LRPPRC: variants seen among roughly 807,000 people sequenced by gnomAD.
The protein encoded by LRPPRC is leucine-rich PPR motif-containing protein, mitochondrial.
LRPPRC carries 120 observed loss-of-function variants against 180.3 expected under a neutral mutation model. The ratio of observed to expected loss-of-function variants is 0.67; its 90% confidence interval spans 0.57 to 0.77. LRPPRC has a LOEUF of 0.77. Ranked by LOEUF, LRPPRC falls within the 30% of genes least tolerant of loss-of-function variation. LRPPRC has a pLI of 0.00. For missense variants in LRPPRC, 2,012 were observed against 1,657.2 expected (o/e 1.21, Z -3.72); for synonymous variants, 723 against 600.0 (o/e 1.21, Z -3.00).
At chr2:43,925,555 G>A (rs1050270560) in intron 26 of LRPPRC, among the ~76,000 whole-genome samples, 3 of 152,068 alleles carry the variant, frequency 2.0e-5, no homozygotes, top group Admixed American at 2.0e-4. Flanking sequence ...ACAGGTACCT[G>A]CACCAGAGGA....
chr2:43,912,033 A>G (rs1484455015), intron 30 of LRPPRC, among the ~76,000 whole-genome samples: 1 of 152,186 alleles, frequency 6.6e-6, no homozygotes, highest in African/African-American at 2.4e-5. Context: ...AAGGTCACAG[A>G]ACTTTTAAGT....
chr2:43,899,570 T>C lies in LRPPRC; in HGVS notation c.3605A>G (p.Asn1202Ser), dbSNP rs551840833. 6.8e-6 allele frequency: 11 copies of C among 1,609,246 alleles called. No homozygotes were observed. The East Asian group carries it at 8.9e-5, about 13-fold the overall frequency. ...NIDAAIENIENMLTSENKVIE... is the reference protein window; with the variant it reads ...NIDAAIENIESMLTSENKVIE... ...GACTTTATTCTCTGAAGTAAGCATA[T>C]TTTCAATGTTTTCTATTGCGGCATC... is the stretch of plus-strand genomic sequence containing the variant. The change falls in exon 33 of 38, where the codon AAT becomes AGT. Residue 1202 changes from asparagine (N) to serine (S), a missense_variant. By Grantham distance (46) the Asn-to-Ser change is conservative (BLOSUM62 1). Transcript: ENST00000260665.
chr2:43,951,447 C>T (rs1367206178), intron 14 of LRPPRC, among the ~76,000 whole-genome samples: 2 of 152,210 alleles, frequency 1.3e-5, no homozygotes, highest in Admixed American at 1.3e-4. Flanking sequence ...AGTGGTAAAA[C>T]TTGCCATGGT....
chr2:43,946,029 G>C, intron 21 of LRPPRC, 84 bp downstream of exon 21: 1 of 1,351,778 alleles, frequency 7.4e-7, no homozygotes, highest in South Asian at 1.2e-5. Flanking sequence ...TTATATAAGA[G>C]AGTAATATTC....
At chr2:43,908,630 TC>T (rs1671144482) in intron 30 of LRPPRC, among the ~76,000 whole-genome samples, 1 of 107,406 alleles carries the variant, frequency 9.3e-6, no homozygotes, top group Admixed American at 1.0e-4. Context: ...CAAGCCGTTC[TC>T]CTGCCTTGGC....
chr2:43,940,232 T>C (rs557376882), intron 23 of LRPPRC, among the ~76,000 whole-genome samples: 2 of 152,272 alleles, frequency 1.3e-5, no homozygotes, highest in East Asian at 3.9e-4. Flanking sequence ...CTCCTTAATT[T>C]CCTTTCAGCA....
chr2:43,967,046 C>A (rs536951767), intron 11 of LRPPRC, among the ~76,000 whole-genome samples: 1 of 151,982 alleles, frequency 6.6e-6, no homozygotes, highest in East Asian at 2.0e-4. Context: ...GCCTCCATAA[C>A]TAGCTGAGGT....
intron 23 of LRPPRC, among the ~76,000 whole-genome samples, chr2:43,939,731 C>A (rs923189008): frequency 1.3e-5 from 2 of 152,128 alleles, no homozygotes; most frequent in Non-Finnish European, 2.9e-5. Flanking sequence ...TAATCCTCCC[C>A]AAAAAATTAA....
In LRPPRC at chr2:43,912,533, T is replaced by C. The variant is rs755280196; in HGVS notation, c.3174A>G (p.Ala1058=). 26 of 1,609,326 alleles carry C rather than the reference T, an allele frequency of 1.6e-5. No individual in the cohort carries two copies. Among genetic ancestry groups the C allele is most frequent in the Non-Finnish European group, 2.1e-5 (25 of 1,176,002 alleles). The change falls in exon 30 of 38, where the codon GCA becomes GCG. Residue 1058 remains alanine (A), a synonymous_variant. Coordinates refer to ENST00000260665, the MANE Select transcript of LRPPRC (RefSeq NM_133259.4). Reference sequence around the variant, plus strand: ...CATTAAACACAATGTTTTGCTCTTTTGCATTCAGGAAAATATCATATGCCC... The same window carrying C: ...CATTAAACACAATGTTTTGCTCTTTCGCATTCAGGAAAATATCATATGCCC... ...KKGAYDIFLN[A]KEQNIVFNAE...
At chr2:43,904,583 C>T (rs2104998832) in intron 31 of LRPPRC, 1 of 152,068 alleles carries the variant, frequency 6.6e-6, no homozygotes, top group Middle Eastern at 3.4e-3. Context: ...ATCCCAGCTA[C>T]TCAGGAGGCT....
intron 27 of LRPPRC, among the ~76,000 whole-genome samples, chr2:43,918,607 A>G (rs1454674125): frequency 6.6e-6 from 1 of 151,872 alleles, no homozygotes; most frequent in Non-Finnish European, 1.5e-5. Context: ...TACCCTACCT[A>G]TTAAAAAGCA....
At position 43,973,696 on chromosome 2, in the gene LRPPRC, A is replaced by T; in HGVS notation, c.1280T>A (p.Met427Lys). Reference protein sequence around the residue: ...ANKTDLAKALMKAVKEEGFPI... With the variant: ...ANKTDLAKALKKAVKEEGFPI... ...AAAACCTTCCTCCTTCACAGCCTTC[A>T]TTAAGGCTTTTGCCAAATCTGAAAG... Residue 427 changes from methionine to lysine, a missense_variant, in exon 11 of 38, where the codon ATG (methionine) becomes AAG (lysine). Physicochemically the swap from Met to Lys is moderately conservative, Grantham distance 95 (BLOSUM62 -1). Transcript: ENST00000260665. The T allele has an allele frequency of 6.2e-7, 1 of 1,613,814 alleles. No homozygotes were observed. The highest frequency in any genetic ancestry group is 1.3e-5 in the African/African-American group (1 of 75,074).
At chr2:43,980,936 T>G (rs1279344305) in intron 2 of LRPPRC, among the ~76,000 whole-genome samples, 1 of 152,174 alleles carries the variant, frequency 6.6e-6, no homozygotes, top group African/African-American at 2.4e-5. Context: ...AGAGAGAGAA[T>G]GTGACACAGG....
chr2:43,974,514 C>G (rs1022690793), intron 8 of LRPPRC, 100 bp downstream of exon 8: 2 of 917,536 alleles, frequency 2.2e-6, no homozygotes, highest in Non-Finnish European at 3.4e-6. Flanking sequence ...CTATGTTCAA[C>G]TCCCACAATG....
At chr2:43,919,168 T>C (rs762036207) in intron 27 of LRPPRC, among the ~76,000 whole-genome samples, 4 of 152,062 alleles carry the variant, frequency 2.6e-5, no homozygotes, top group Admixed American at 1.3e-4. Flanking sequence ...GGGATCTACG[T>C]TGTGAACTCC....
At chr2:43,974,121 T>C in intron 9 of LRPPRC, 29 bp downstream of exon 9, 1 of 1,601,446 alleles carries the variant, frequency 6.2e-7, no homozygotes, top group Non-Finnish European at 8.6e-7. Context: ...CCAATTACAT[T>C]GTCTACAAAG....
chr2:43,995,362 C>G (rs1674986161), intron 1 of LRPPRC, among the ~76,000 whole-genome samples: 3 of 152,328 alleles, frequency 2.0e-5, no homozygotes, highest in Middle Eastern at 6.8e-3. Context: ...CCGCCCCATC[C>G]CTCGCAAAAA....
chr2:43,938,102 G>C (rs900858212), intron 23 of LRPPRC, among the ~76,000 whole-genome samples: 6 of 151,172 alleles, frequency 4.0e-5, no homozygotes, highest in African/African-American at 9.7e-5. Context: ...ATATTTAAAG[G>C]CTCACTCCTA....
intron 1 of LRPPRC, among the ~76,000 whole-genome samples, chr2:43,991,403 C>G (rs989464406): frequency 6.6e-6 from 1 of 152,152 alleles, no homozygotes. Flanking sequence ...TTTCTTCCAA[C>G]TTTAGAAATA....
Sources: gnomAD v4.1 joint callset for allele counts (sites outside exome capture counted in the v4.1 genomes callset) on GRCh38, gnomAD v4.1.1 for gene constraint, MANE v1.5 for transcripts, NCBI Gene and HGNC (gene_info 2026-07-23, HGNC 2026-07-21) for gene names.